Variants in PDE1C observed in about 807,000 individuals in gnomAD.
The protein encoded by PDE1C is phosphodiesterase 1C.
A neutral mutation model predicts 93.1 loss-of-function variants in PDE1C; 62 were observed. The observed-to-expected ratio is 0.67, with a 90% CI of 0.54 to 0.82. PDE1C has a LOEUF of 0.82. Ranked by LOEUF, PDE1C falls within the 40% of genes least tolerant of loss-of-function variation. PDE1C has a pLI of 0.00. For synonymous variants in PDE1C, 325 were observed against 310.1 expected (o/e 1.05, Z -0.50); for missense variants, 742 against 884.6 (o/e 0.84, Z 2.04).
the PDE1C span, among the ~76,000 whole-genome samples, chr7:31,617,602 T>C: frequency 5.9e-5 from 9 of 152,040 alleles, no homozygotes; most frequent in African/African-American, 2.2e-4. Flanking sequence ...ACAGCAGCTC[T>C]TTAGAGACAA....
chr7:32,356,754 T>C lies in PDE1C; in HGVS notation c.310+71068A>G, dbSNP rs150246053. Among the ~76,000 whole-genome samples the C allele has an allele frequency of 6.3e-3, 964 of 152,332 alleles. 6 individuals are homozygous for C. Among genetic ancestry groups the C allele is most frequent in the African/African-American group, 0.022 (903 of 41,568 alleles). On this transcript the variant is annotated intron_variant, in intron 1 of 1. Coordinates refer to the PDE1C transcript ENST00000672256. ...TACTTCTGCTATTCCAGCCTTGATT[T>C]TTCAGATTTATATTGAATCAGTCGC...
the PDE1C span, among the ~76,000 whole-genome samples, chr7:31,636,195 CAT>C: frequency 6.6e-6 from 1 of 152,110 alleles, no homozygotes; most frequent in Non-Finnish European, 1.5e-5. Context: ...CCTCCCATGA[CAT>C]GTGGGGATTA....
chr7:31,958,400 T>A (rs904868366), intron 2 of PDE1C, among the ~76,000 whole-genome samples: 41 of 152,258 alleles, frequency 2.7e-4, no homozygotes, highest in African/African-American at 9.9e-4. Context: ...AACTGATTAT[T>A]TTTGTAAATT....
chr7:31,954,645 T>G (rs1807875384), intron 2 of PDE1C, among the ~76,000 whole-genome samples: 1 of 152,184 alleles, frequency 6.6e-6, no homozygotes, highest in Non-Finnish European at 1.5e-5. Flanking sequence ...CTATCTATTC[T>G]TTTCTCCACT....
intron 1 of PDE1C, among the ~76,000 whole-genome samples, chr7:32,056,826 GA>G (rs1282856577): frequency 6.6e-6 from 1 of 152,292 alleles, no homozygotes; most frequent in African/African-American, 2.4e-5. Context: ...TTCCAGAATG[GA>G]AAAATTGGAT....
the PDE1C span, among the ~76,000 whole-genome samples, chr7:31,635,649 A>G: frequency 6.6e-6 from 1 of 152,190 alleles, no homozygotes; most frequent in Non-Finnish European, 1.5e-5. Context: ...CATTTGGACC[A>G]GTGTATTAGG....
At chr7:32,024,246 C>A (rs1789103268) in intron 2 of PDE1C, among the ~76,000 whole-genome samples, 1 of 151,868 alleles carries the variant, frequency 6.6e-6, no homozygotes, top group Non-Finnish European at 1.5e-5. Context: ...CCTGGTCAAT[C>A]TAAAATTGAT....
chr7:31,868,338 A>G (rs1229651640), intron 6 of PDE1C, among the ~76,000 whole-genome samples: 1 of 152,194 alleles, frequency 6.6e-6, no homozygotes, highest in Non-Finnish European at 1.5e-5. Flanking sequence ...TAAATTTACC[A>G]AAGAGATAGC....
At chr7:31,716,341 A>T in the PDE1C span, among the ~76,000 whole-genome samples, 1 of 152,284 alleles carries the variant, frequency 6.6e-6, no homozygotes, top group East Asian at 1.9e-4. Flanking sequence ...GAGAGTACTA[A>T]GAGTTCTCAA....
Position 32,363,042 on chromosome 7 carries a change from G to C in PDE1C, c.310+64780C>G, listed in dbSNP as rs114108955. Among the ~76,000 whole-genome samples, 478 of 152,326 alleles carry C rather than the reference G, an allele frequency of 3.1e-3. 3 individuals carry two copies. Among genetic ancestry groups the C allele is most frequent in the African/African-American group, 0.01 (427 of 41,582 alleles). Reference sequence around the variant, plus strand: ...AATAACAATAGCTAGTATCAATAGAGCATTCACTGTGTGCCAAGCACCGTT... The same window carrying C: ...AATAACAATAGCTAGTATCAATAGACCATTCACTGTGTGCCAAGCACCGTT... On this transcript the variant is annotated intron_variant, in intron 1 of 1. Coordinates refer to the PDE1C transcript ENST00000672256.
At position 31,959,369 on chromosome 7, in the gene PDE1C, C is replaced by T. The variant is rs1027693504; in HGVS notation, c.129-78509G>A. 9.2e-5 allele frequency among the ~76,000 whole-genome samples: 14 copies of T among 152,146 alleles called. No individual in the cohort carries two copies. The South Asian group carries it at 1.7e-3, about 18-fold the overall frequency. ...CTAGGATTATAAGTGTGCACAACTA[C>T]GCCCAGCTAATTTTTGTAGTTTTTA... On this transcript the variant is annotated intron_variant, in intron 2 of 17. Coordinates refer to ENST00000396191, the MANE Select transcript of PDE1C (RefSeq NM_001191057.4).
chr7:32,422,086 A>C (rs1330648847), intron 1 of PDE1C, among the ~76,000 whole-genome samples: 2 of 152,256 alleles, frequency 1.3e-5, no homozygotes, highest in South Asian at 4.2e-4. Flanking sequence ...CAGTTCCTAG[A>C]GGTAATGCCA....
At chr7:31,963,344 A>G (rs931064989) in intron 2 of PDE1C, among the ~76,000 whole-genome samples, 3 of 152,210 alleles carry the variant, frequency 2.0e-5, no homozygotes, top group Non-Finnish European at 2.9e-5. Context: ...TTGTTTGTTT[A>G]TATACTTAAA....
chr7:31,824,053 G>C (rs1789338528), intron 13 of PDE1C, among the ~76,000 whole-genome samples: 1 of 151,932 alleles, frequency 6.6e-6, no homozygotes, highest in African/African-American at 2.4e-5. Context: ...AGCATCCCTG[G>C]GGTCCCCTGT....
intron 1 of PDE1C, among the ~76,000 whole-genome samples, chr7:32,376,220 T>C (rs1784430188): frequency 6.6e-6 from 1 of 152,044 alleles, no homozygotes; most frequent in African/African-American, 2.4e-5. Flanking sequence ...TGGCACGTAG[T>C]TCTGCTTACC....
chr7:31,885,062 C>T (rs781293728), intron 2 of PDE1C, among the ~76,000 whole-genome samples: 2 of 152,104 alleles, frequency 1.3e-5, no homozygotes, highest in African/African-American at 4.8e-5. Context: ...TCCTCAGAGG[C>T]CAGGTCCCAT....
chr7:31,647,713 C>A, the PDE1C span, among the ~76,000 whole-genome samples: 43 of 104,922 alleles, frequency 4.1e-4, no homozygotes, highest in African/African-American at 1.4e-3. Context: ...AAGAAGAAGA[C>A]GATGACGACA....
intron 7 of PDE1C, among the ~76,000 whole-genome samples, chr7:31,860,415 T>C (rs1027903927): frequency 6.6e-6 from 1 of 152,198 alleles, no homozygotes; most frequent in African/African-American, 2.4e-5. Context: ...CAGTTAATAT[T>C]ATCACACTTT....
intron 2 of PDE1C, chr7:32,209,427 A>G: frequency 7.4e-7 from 1 of 1,343,546 alleles, no homozygotes; most frequent in East Asian, 2.5e-5. Flanking sequence ...GCATGGGGGA[A>G]AGATCTCTGG....
Sources: gnomAD v4.1 joint callset for allele counts (sites outside exome capture counted in the v4.1 genomes callset) on GRCh38, gnomAD v4.1.1 for gene constraint, MANE v1.5 for transcripts, NCBI Gene and HGNC (gene_info 2026-07-23, HGNC 2026-07-21) for gene names.